PCDHA8: variants seen among roughly 807,000 people sequenced by gnomAD.
The protein encoded by PCDHA8 is protocadherin alpha-8.
A neutral mutation model predicts 61.8 loss-of-function variants in PCDHA8; 53 were observed. The ratio of observed to expected loss-of-function variants is 0.86; its 90% CI spans 0.69 to 1.08. The LOEUF is 1.08. PCDHA8 is among the 50% of genes least tolerant of loss of function. The pLI is 0.00. For missense variants in PCDHA8, 1,293 were observed against 1,245.0 expected, an observed-to-expected ratio of 1.04 and a Z score of -0.58; for synonymous variants, 618 against 556.6, an observed-to-expected ratio of 1.11 and a Z score of -1.55.
At chr5:140,845,196 T>C (rs1470721997) in intron 1 of PCDHA8, among the ~76,000 whole-genome samples, 3 of 149,356 alleles carry the variant, frequency 2.0e-5, no homozygotes, top group African/African-American at 7.4e-5. Flanking sequence ...AATATGATTG[T>C]TTTCATTTAA....
intron 1 of PCDHA8, chr5:140,876,498 C>A: frequency 6.2e-7 from 1 of 1,613,918 alleles, no homozygotes; most frequent in East Asian, 2.2e-5. Context: ...AAGTTCTGGA[C>A]GTGAATGACA....
At position 140,946,093 on chromosome 5, in the gene PCDHA8, T is replaced by A. The variant is rs1171535500; in HGVS notation, c.2395-32856T>A. Among the ~76,000 whole-genome samples, 4 of 151,584 alleles carry A rather than the reference T, an allele frequency of 2.6e-5. No homozygotes were observed. In the East Asian group the frequency reaches 7.7e-4, roughly 29 times the overall value. ...TGCAAACCACAGATCTGATAAGGAG[T>A]TAACATACCAAATATATAAGGAACT... is the stretch of plus-strand genomic sequence containing the variant. On this transcript the variant is annotated intron_variant, in intron 1 of 3. Transcript: ENST00000531613.
rs550730996 is a variant in PCDHA8, at chr5:140,982,280, G to T, written c.2454-195G>T. The T allele has an allele frequency of 2.1e-5, 21 of 1,007,278 alleles. No homozygotes were observed. The Admixed American group carries it at 5.3e-4, about 25-fold the overall frequency. 62.4% of individuals were successfully genotyped at this position (1,007,278 alleles called of 1,614,324 possible). A position where few individuals can be genotyped will look rare whatever the true frequency, so the allele number is the denominator to read the frequency against. ...GTGTGTTCCTGGAATAGTATAGCAGGCAATAAGTAAGTCAGCAATGCTTCT... is the reference window on the plus strand; with the variant it reads ...GTGTGTTCCTGGAATAGTATAGCAGTCAATAAGTAAGTCAGCAATGCTTCT... On this transcript the variant is annotated intron_variant, in intron 2 of 3. Transcript: ENST00000531613.
At chr5:140,889,169 G>A (rs2062128594) in intron 1 of PCDHA8, among the ~76,000 whole-genome samples, 1 of 151,182 alleles carries the variant, frequency 6.6e-6, no homozygotes, top group African/African-American at 2.4e-5. Flanking sequence ...AAGTATTCAA[G>A]TTATAAATAA....
chr5:140,967,740 A>G, intron 1 of PCDHA8: 6 of 1,614,170 alleles, frequency 3.7e-6, no homozygotes, highest in Non-Finnish European at 5.1e-6. Flanking sequence ...GGGCTGGATT[A>G]TGAGGAAGCC....
chr5:140,870,917 G>A, intron 1 of PCDHA8: 1 of 1,613,936 alleles, frequency 6.2e-7, no homozygotes, highest in Non-Finnish European at 8.5e-7. Flanking sequence ...TACAACGCGT[G>A]GCTTTCATAT....
intron 1 of PCDHA8, among the ~76,000 whole-genome samples, chr5:140,958,824 A>T (rs1008923744): frequency 8.5e-5 from 13 of 152,158 alleles, no homozygotes; most frequent in African/African-American, 3.1e-4. Context: ...TAATTTTTAT[A>T]TCTTAAAGTT....
intron 1 of PCDHA8, chr5:140,860,230 A>G (rs1282358261): frequency 6.6e-6 from 1 of 151,076 alleles, no homozygotes; most frequent in Non-Finnish European, 1.5e-5. Context: ...TATATAAGCC[A>G]GGCATGGTGG....
intron 1 of PCDHA8, among the ~76,000 whole-genome samples, chr5:140,932,053 C>T (rs1358715698): frequency 6.6e-6 from 1 of 151,780 alleles, no homozygotes; most frequent in Non-Finnish European, 1.5e-5. Flanking sequence ...GCCTGTAATA[C>T]TAAAAATTAT....
chr5:140,928,291 G>A (rs62384489), intron 1 of PCDHA8: 1 of 1,614,142 alleles, frequency 6.2e-7, no homozygotes, highest in Non-Finnish European at 8.5e-7. Context: ...TCTAGGCCGA[G>A]TGTTTGCCCA....
intron 1 of PCDHA8, chr5:140,852,998 C>A (rs2150526910): frequency 6.5e-6 from 2 of 309,332 alleles, no homozygotes; most frequent in East Asian, 1.7e-4. Context: ...CCTGCCTCAG[C>A]CTCCCGAGTA....
intron 1 of PCDHA8, chr5:140,883,064 G>A (rs2059422329): frequency 1.2e-6 from 2 of 1,614,096 alleles, no homozygotes; most frequent in Non-Finnish European, 1.7e-6. Context: ...CAAGCTAAAT[G>A]CCACAGATCC....
chr5:140,916,723 T>C (rs1264644464), intron 1 of PCDHA8, among the ~76,000 whole-genome samples: 1 of 152,186 alleles, frequency 6.6e-6, no homozygotes, highest in Non-Finnish European at 1.5e-5. Context: ...GGAGTGACTT[T>C]TGTTGCTGCA....
intron 1 of PCDHA8, chr5:140,870,490 G>A (rs372818492): frequency 7.8e-5 from 126 of 1,614,116 alleles, no homozygotes; most frequent in Non-Finnish European, 1.1e-4. Context: ...CACCGTGTTC[G>A]TGAAGGAGAA....
intron 1 of PCDHA8, chr5:140,850,656 C>T: frequency 6.3e-7 from 1 of 1,598,598 alleles, no homozygotes; most frequent in Non-Finnish European, 8.6e-7. Context: ...GTACACTGTG[C>T]TGCGGTGCTC....
At chr5:140,968,474 G>A (rs1394773296) in intron 1 of PCDHA8, 2 of 1,614,110 alleles carry the variant, frequency 1.2e-6, no homozygotes, top group Non-Finnish European at 1.7e-6. Flanking sequence ...CGTATATGTG[G>A]TGGACATGAA....
chr5:140,980,091 T>A (rs2096876102), intron 2 of PCDHA8, among the ~76,000 whole-genome samples: 1 of 152,218 alleles, frequency 6.6e-6, no homozygotes, highest in Non-Finnish European at 1.5e-5. Flanking sequence ...GTAGTTGGCT[T>A]GGTAAGATGT....
At chr5:140,920,767 C>T (rs1484117906) in intron 1 of PCDHA8, among the ~76,000 whole-genome samples, 1 of 151,632 alleles carries the variant, frequency 6.6e-6, no homozygotes. Context: ...TTGCTTACAC[C>T]TGGGAGGTGG....
At chr5:140,869,084 G>A (rs2050835199) in intron 1 of PCDHA8, 1 of 1,583,106 alleles carries the variant, frequency 6.3e-7, no homozygotes, top group African/African-American at 1.4e-5. Context: ...AGCTTATTTT[G>A]GAAGCCAATT....
Sources: gnomAD v4.1 joint callset for allele counts (sites outside exome capture counted in the v4.1 genomes callset) on GRCh38, gnomAD v4.1.1 for gene constraint, MANE v1.5 for transcripts, NCBI Gene and HGNC (gene_info 2026-07-23, HGNC 2026-07-21) for gene names.